DZANK1: variants seen among roughly 807,000 people sequenced by gnomAD.
DZANK1 encodes the protein double zinc ribbon and ankyrin repeat-containing protein 1.
A neutral mutation model predicts 94.5 loss-of-function variants in DZANK1; 91 were observed. The observed-to-expected ratio is 0.96, with a 90% CI of 0.81 to 1.15. The LOEUF (loss-of-function observed/expected upper bound fraction) is 1.15, where lower values mean the gene tolerates loss of function less well. DZANK1 is among the 50% of genes most tolerant of loss of function. The pLI, the probability that DZANK1 is intolerant of heterozygous loss-of-function variation, is 0.00. For synonymous variants in DZANK1, 312 were observed against 325.3 expected (o/e 0.96, Z 0.44); for missense variants, 903 against 916.4 (o/e 0.99, Z 0.19).
intron 14 of DZANK1, 46 bp downstream of exon 14, chr20:18,398,477 C>T (rs1186480769): frequency 6.3e-7 from 1 of 1,579,222 alleles, no homozygotes; most frequent in Non-Finnish European, 8.7e-7. Context: ...GTTCCTTCAG[C>T]CTGATCCCGT....
chr20:18,448,635 G>C (rs988047258), intron 7 of DZANK1, among the ~76,000 whole-genome samples: 1 of 152,120 alleles, frequency 6.6e-6, no homozygotes, highest in Non-Finnish European at 1.5e-5. Context: ...TTGGGAGACC[G>C]AGGTGGGCAG....
At chr20:18,434,464 G>A (rs895684035) in intron 8 of DZANK1, among the ~76,000 whole-genome samples, 3 of 146,440 alleles carry the variant, frequency 2.0e-5, no homozygotes, top group Non-Finnish European at 3.0e-5. Flanking sequence ...AGAATCACTT[G>A]AAGCCAGGAG....
At chr20:18,414,577 T>C in intron 11 of DZANK1, 65 bp from the exon 12 acceptor site, 1 of 1,520,662 alleles carries the variant, frequency 6.6e-7, no homozygotes, top group Non-Finnish European at 8.9e-7. Context: ...ATTATTCTCA[T>C]ACCATACAAA....
intron 13 of DZANK1, among the ~76,000 whole-genome samples, chr20:18,406,898 C>T (rs2056992801): frequency 6.6e-6 from 1 of 152,168 alleles, no homozygotes; most frequent in Admixed American, 6.5e-5. Context: ...CAAACATTGG[C>T]AGTGGCCTGG....
chr20:18,395,652 T>G (rs2056299542), intron 15 of DZANK1, among the ~76,000 whole-genome samples: 1 of 152,128 alleles, frequency 6.6e-6, no homozygotes, highest in Admixed American at 6.5e-5. Flanking sequence ...TAATTCATTC[T>G]CCAGAGTTCC....
exon 4 of DZANK1, chr20:18,455,280 A>G (rs747797758): frequency 6.2e-7 from 1 of 1,607,902 alleles, no homozygotes; most frequent in Non-Finnish European, 8.5e-7. Context: ...CATTTTCAAC[A>G]TTGTCTTCAG....
At chr20:18,464,927 G>A (rs904699791) in intron 2 of DZANK1, among the ~76,000 whole-genome samples, 1 of 151,696 alleles carries the variant, frequency 6.6e-6, no homozygotes, top group Non-Finnish European at 1.5e-5. Flanking sequence ...CACCTGCCTC[G>A]GCCTGCCAAA....
intron 9 of DZANK1, among the ~76,000 whole-genome samples, chr20:18,430,132 A>C (rs1282992329): frequency 3.3e-5 from 5 of 152,262 alleles, no homozygotes; most frequent in African/African-American, 1.2e-4. Context: ...CCAAGTGATA[A>C]GCTTTAAGTG....
At chr20:18,396,959 A>G (rs1191116559) in intron 14 of DZANK1, among the ~76,000 whole-genome samples, 1 of 152,212 alleles carries the variant, frequency 6.6e-6, no homozygotes, top group Non-Finnish European at 1.5e-5. Flanking sequence ...ACAGTTGAGC[A>G]GCTTTCTGTG....
rs754691046 is a variant in DZANK1, at chr20:18,396,581, T to A, written c.1537-35A>T. The A allele has an allele frequency of 5.8e-6, 9 of 1,540,088 alleles. No homozygotes were observed. The South Asian group carries it at 1.0e-4, about 18-fold the overall frequency. On this transcript the variant is annotated intron_variant, in intron 14 of 20. Transcript: ENST00000262547. ...GAGTTGTAGAGAGAATTCATAACTG[T>A]GGGTGTGGGACTCATTGCCTTAAGT...
chr20:18,436,443 CAAA>C lies in DZANK1; in HGVS notation c.748-2681_748-2679del, dbSNP rs767717764. ...TGGGGGACAGAGCGAGACTCCATCTCAAAAAAAAAAAAAAAAAATCACCAGAGC... is the reference window on the plus strand; with the variant it reads ...TGGGGGACAGAGCGAGACTCCATCTCAAAAAAAAAAAAAAATCACCAGAGC... On this transcript the variant is annotated intron_variant, in intron 8 of 20. Transcript: ENST00000262547. Among the ~76,000 whole-genome samples the C allele has an allele frequency of 8.7e-5, 9 of 103,666 alleles. No individual in the cohort carries two copies. In the Admixed American group the frequency reaches 1.0e-3, roughly 12 times the overall value. 68.0% of individuals were successfully genotyped at this position (103,666 alleles called of 152,430 possible). A position where few individuals can be genotyped will look rare whatever the true frequency, so the allele number is the denominator to read the frequency against.
intron 18 of DZANK1, 55 bp downstream of exon 18, chr20:18,390,324 G>A: frequency 1.3e-6 from 2 of 1,520,596 alleles, no homozygotes; most frequent in Non-Finnish European, 1.8e-6. Context: ...AGGAGACAGA[G>A]GTGGAATGCC....
At chr20:18,450,084 AT>A (rs1569004184) in intron 6 of DZANK1, among the ~76,000 whole-genome samples, 1 of 36,326 alleles carries the variant, frequency 2.8e-5, no homozygotes, top group East Asian at 7.9e-4. Flanking sequence ...TCTCAAATAA[AT>A]AAATAAATAA....
intron 17 of DZANK1, among the ~76,000 whole-genome samples, chr20:18,392,424 C>T (rs1164822398): frequency 3.3e-5 from 5 of 152,174 alleles, no homozygotes; most frequent in East Asian, 3.9e-4. Flanking sequence ...GCAAGCTGGG[C>T]AGCTAGTGCA....
At chr20:18,439,602 C>G (rs1228865531) in intron 8 of DZANK1, among the ~76,000 whole-genome samples, 1 of 152,178 alleles carries the variant, frequency 6.6e-6, no homozygotes, top group Admixed American at 6.5e-5. Context: ...TGGGATCTCA[C>G]TAGCTCTAAT....
chr20:18,443,332 A>C lies in DZANK1; in HGVS notation c.747+15T>G. 1 of 1,484,904 alleles carries C rather than the reference A, an allele frequency of 6.7e-7. No individual in the cohort carries two copies. Among genetic ancestry groups the C allele is most frequent in the Non-Finnish European group, 9.2e-7 (1 of 1,087,248 alleles). 92.0% of individuals were successfully genotyped at this position (1,484,904 alleles called of 1,614,324 possible). Reference sequence around the variant, plus strand: ...TCAACCAATGAAAGATGTTTTTAAGAATTCTGCTGCTCACCTGAGCTCCTT... The same window carrying C: ...TCAACCAATGAAAGATGTTTTTAAGCATTCTGCTGCTCACCTGAGCTCCTT... On this transcript the variant is annotated intron_variant, in intron 8 of 20. Transcript: ENST00000262547.
intron 6 of DZANK1, among the ~76,000 whole-genome samples, chr20:18,451,041 G>A (rs1429122048): frequency 6.6e-6 from 1 of 152,196 alleles, no homozygotes; most frequent in African/African-American, 2.4e-5. Flanking sequence ...CGCCTCCCCA[G>A]TTCAAGCGAT....
intron 9 of DZANK1, among the ~76,000 whole-genome samples, chr20:18,429,234 T>G (rs1378723270): frequency 6.6e-6 from 1 of 152,162 alleles, no homozygotes; most frequent in African/African-American, 2.4e-5. Context: ...CAGAAAATAC[T>G]TCCTCTAGGA....
intron 10 of DZANK1, among the ~76,000 whole-genome samples, chr20:18,425,839 C>T (rs989863785): frequency 6.6e-5 from 10 of 152,156 alleles, no homozygotes; most frequent in African/African-American, 2.4e-5. Flanking sequence ...GACTGGAGTG[C>T]TGCATCTAGA....
Sources: allele counts gnomAD v4.1 joint callset (sites outside exome capture counted in the v4.1 genomes callset), GRCh38; gene constraint gnomAD v4.1.1; transcripts MANE v1.5; gene names NCBI Gene and HGNC (gene_info 2026-07-23, HGNC 2026-07-21).